CELSR1: variants seen among roughly 807,000 people sequenced by gnomAD.
CELSR1 encodes the protein adhesion G protein-coupled receptor C1.
In CELSR1, 110 loss-of-function variants were observed where a neutral mutation model predicts 249.1. The ratio of observed to expected loss-of-function variants is 0.44; its 90% confidence interval spans 0.38 to 0.52. The LOEUF is 0.52. CELSR1 is among the 20% of genes least tolerant of loss of function. The pLI is 0.00. For synonymous variants in CELSR1, 2,113 were observed against 1,900.0 expected (o/e 1.11, Z -2.92); for missense variants, 4,109 against 4,296.4 (o/e 0.96, Z 1.22).
chr22:46,499,119 G>A (rs1186862460), intron 1 of CELSR1, among the ~76,000 whole-genome samples: 1 of 150,602 alleles, frequency 6.6e-6, no homozygotes, highest in Non-Finnish European at 1.5e-5. Flanking sequence ...GATGGCGGTT[G>A]CAGTGAGCCG....
rs765064666 is a variant in CELSR1, at chr22:46,534,309, G to A, written c.2862C>T (p.Arg954=). 21 of 1,613,022 alleles carry A rather than the reference G, an allele frequency of 1.3e-5. No individual in the cohort carries two copies. The South Asian group carries it at 2.3e-4, about 18-fold the overall frequency. ...CGGCCACATTCTCCCGGTCCAGCCGGCGCTGGGTGCGAATCACACCGGACG... is the reference window on the plus strand; with the variant it reads ...CGGCCACATTCTCCCGGTCCAGCCGACGCTGGGTGCGAATCACACCGGACG... The part of the protein sequence containing the change: ...EPTSGVIRTQ[R]RLDRENVAVY... Residue 954 remains arginine (R), a synonymous_variant, in exon 1 of 35, where the codon CGC becomes CGT. Coordinates refer to ENST00000674500, the MANE Select transcript of CELSR1 (RefSeq NM_001378328.1). The surrounding 1 kb of genome is among the most constrained non-coding windows in gnomAD (Gnocchi z 9.7).
chr22:46,403,971 CAAAAAAAAAAA>C (rs756055741), intron 9 of CELSR1, among the ~76,000 whole-genome samples: 1 of 48,426 alleles, frequency 2.1e-5, no homozygotes, highest in African/African-American at 6.5e-5. Flanking sequence ...AACTCCGTCT[CAAAAAAAAAAA>C]AAAAAAAAGA....
intron 1 of CELSR1, among the ~76,000 whole-genome samples, chr22:46,502,057 G>C (rs922245128): frequency 7.9e-5 from 12 of 151,862 alleles, no homozygotes; most frequent in Admixed American, 3.3e-4. Flanking sequence ...TTGAGCCCAG[G>C]ATTTTGAGAC....
rs541519911 is a variant in CELSR1, at chr22:46,470,853, A to G, written c.3545-6508T>C. Reference sequence around the variant, plus strand: ...AGGTTACAAGAAACAGGCCAGGAGCAGTGGCTCACACCTGTAATCCCAGCA... The same window carrying G: ...AGGTTACAAGAAACAGGCCAGGAGCGGTGGCTCACACCTGTAATCCCAGCA... On this transcript the variant is annotated intron_variant, in intron 1 of 34. Transcript: ENST00000674500. Among the ~76,000 whole-genome samples, 12 of 152,302 alleles carry G rather than the reference A, an allele frequency of 7.9e-5. 1 individual carries two copies. The South Asian group carries it at 2.5e-3, about 32-fold the overall frequency.
intron 14 of CELSR1, among the ~76,000 whole-genome samples, chr22:46,392,411 CTG>C (rs140661654): frequency 0.044 from 6,679 of 152,310 alleles, 195 homozygotes; most frequent in Non-Finnish European, 0.068. Context: ...ACGTTCAGAC[CTG>C]TGTGTCAGGT....
At position 46,378,619 on chromosome 22, in the gene CELSR1, G is replaced by A. The variant is rs770141005; in HGVS notation, c.7355C>T (p.Ala2452Val). The A allele has an allele frequency of 1.6e-5, 25 of 1,592,736 alleles. No individual in the cohort carries two copies. The highest frequency in any genetic ancestry group is 1.4e-4 in the East Asian group (6 of 44,066). ...ACQCSHTASF[A>V]VLMDISRREN... ...ACGCCTGGAGATATCCATGAGCACC[G>A]CAAAGCTGGCTGTGTGGCTGCACTG... The change falls in exon 23 of 35, where the codon GCG (alanine) becomes GTG (valine). Residue 2452 changes from alanine to valine, a missense_variant. Physicochemically the swap from Ala to Val is moderately conservative, Grantham distance 64. Around this residue, in one of 7 missense-constraint regions of CELSR1, gnomAD observed 1,805 missense variants for 1,831.6 expected, o/e 0.99. Coordinates refer to ENST00000674500, the MANE Select transcript of CELSR1 (RefSeq NM_001378328.1).
chr22:46,476,313 A>T (rs950950592), intron 1 of CELSR1, among the ~76,000 whole-genome samples: 17 of 152,120 alleles, frequency 1.1e-4, no homozygotes, highest in African/African-American at 3.6e-4. Flanking sequence ...AAGAGGAAGT[A>T]GGCTGGGCGC....
Position 46,433,917 on chromosome 22 carries a change from T to C in CELSR1, c.4523-436A>G, listed in dbSNP as rs1481952220. Among the ~76,000 whole-genome samples, 1 of 152,056 alleles carries C rather than the reference T, an allele frequency of 6.6e-6. No homozygotes were observed. Among genetic ancestry groups the C allele is most frequent in the African/African-American group, 2.4e-5 (1 of 41,378 alleles). On this transcript the variant is annotated intron_variant, in intron 4 of 34. Coordinates refer to ENST00000674500, the MANE Select transcript of CELSR1 (RefSeq NM_001378328.1). The surrounding 1 kb of genome is among the most constrained non-coding windows in gnomAD (Gnocchi z 5.7). ...CTAGTCTAGTCTCGAACTCCTGACC[T>C]CGTGATCTGCCTGCCTTGGCCTCCC...
chr22:46,364,672 A>G lies in CELSR1; in HGVS notation c.8619T>C (p.Ser2873=). 1.2e-6 allele frequency: 2 copies of G among 1,612,482 alleles called. No homozygotes were observed. Among genetic ancestry groups the G allele is most frequent in the Non-Finnish European group, 8.5e-7 (1 of 1,179,858 alleles). The part of the protein sequence containing the change: ...WPDQSLAESD[S]EDPSGKPRLK... ...GGCGGGGCTTGCCGCTGGGGTCCTC[A>G]CTGTCACTCTCAGCCAGGCTCTGGT... The change falls in exon 33 of 35, where the codon AGT becomes AGC. Residue 2873 remains serine (S), a synonymous_variant. Transcript: ENST00000674500.
intron 1 of CELSR1, among the ~76,000 whole-genome samples, chr22:46,465,748 C>G (rs527476767): frequency 2.6e-5 from 4 of 152,360 alleles, no homozygotes; most frequent in Admixed American, 2.6e-4. Flanking sequence ...GCCACAGATG[C>G]GTGCAGGTGC....
rs147152240 is a variant in CELSR1 at position 46,400,058 on chromosome 22, G to A, written c.5227-156C>T. ...AAATTAGGCAAAGTTGGCCAGGTGC[G>A]GTGGCTCAGGCCTGTAATCTCAGCA... On this transcript the variant is annotated intron_variant, in intron 9 of 34. Transcript: ENST00000674500. The A allele has an allele frequency of 8.1e-4, 587 of 727,886 alleles. 6 individuals are homozygous for A. The East Asian group carries it at 0.013, about 17-fold the overall frequency. 45.1% of individuals were successfully genotyped at this position (727,886 alleles called of 1,614,324 possible).
Position 46,427,132 on chromosome 22 carries a change from C to T in CELSR1, c.4611+6261G>A, listed in dbSNP as rs898152655. On this transcript the variant is annotated intron_variant, in intron 5 of 34. Transcript: ENST00000674500. The surrounding 1 kb of genome is among the most constrained non-coding windows in gnomAD (Gnocchi z 4.2). ...GTACACACACACACACCTACACAGA[C>T]GTCTATGTCCTAGCTCTGCCCAGTA... is the stretch of plus-strand genomic sequence containing the variant. Among the ~76,000 whole-genome samples the T allele has an allele frequency of 2.0e-4, 31 of 152,176 alleles. No individual in the cohort carries two copies. The highest frequency in any genetic ancestry group is 5.9e-4 in the Admixed American group (9 of 15,288).
chr22:46,495,090 C>A (rs772939586), intron 1 of CELSR1, among the ~76,000 whole-genome samples: 35 of 152,208 alleles, frequency 2.3e-4, no homozygotes, highest in Admixed American at 3.9e-4. Context: ...CTACTACACA[C>A]CTAGACTATG....
rs937541816 is a variant in CELSR1, at chr22:46,377,361, G to C, written c.7384-100C>G. On this transcript the variant is annotated intron_variant, in intron 23 of 34. Transcript: ENST00000674500. ...TAAATTACACACTTGCTTATGAAACGATCAAGGCTGGCAGGATCAGGCTGG... is the reference window on the plus strand; with the variant it reads ...TAAATTACACACTTGCTTATGAAACCATCAAGGCTGGCAGGATCAGGCTGG... The C allele has an allele frequency of 1.2e-5, 16 of 1,301,306 alleles. No individual in the cohort carries two copies. The African/African-American group carries it at 1.6e-4, about 13-fold the overall frequency. The allele number at this position is 1,301,306 out of a possible 1,614,324, so 80.6% of individuals were successfully genotyped here.
chr22:46,387,576 C>G (rs2079045917), intron 18 of CELSR1, among the ~76,000 whole-genome samples: 1 of 151,922 alleles, frequency 6.6e-6, no homozygotes, highest in Non-Finnish European at 1.5e-5. Flanking sequence ...CCAGGCTGGT[C>G]TCGAACTCCT....
At chr22:46,439,460 G>C (rs1377884758) in intron 2 of CELSR1, 49 bp from the exon 3 acceptor site, 30 of 1,522,490 alleles carry the variant, frequency 2.0e-5, no homozygotes, top group Non-Finnish European at 2.7e-5. Context: ...GACCAGCCAG[G>C]GAAAAGCCAA....
intron 1 of CELSR1, among the ~76,000 whole-genome samples, chr22:46,514,040 G>C (rs952850953): frequency 2.0e-5 from 3 of 151,982 alleles, no homozygotes; most frequent in African/African-American, 7.3e-5. Context: ...TGATCCACCC[G>C]CCTCACCCTC....
chr22:46,369,528 G>A (rs1416814338), intron 26 of CELSR1, among the ~76,000 whole-genome samples, 164 bp downstream of exon 26: 1 of 152,228 alleles, frequency 6.6e-6, no homozygotes, highest in Non-Finnish European at 1.5e-5. Flanking sequence ...ATCAGAGGGT[G>A]AGGTCCGGGA....
At chr22:46,435,482 A>T (rs1451767878) in intron 4 of CELSR1, among the ~76,000 whole-genome samples, 1 of 151,184 alleles carries the variant, frequency 6.6e-6, no homozygotes, top group Admixed American at 6.6e-5. Flanking sequence ...GGGTTTCACC[A>T]TGTTAGCCAG....
Sources: allele counts gnomAD v4.1 joint callset (sites outside exome capture counted in the v4.1 genomes callset), GRCh38; gene constraint gnomAD v4.1.1; regional missense constraint gnomAD v4.1.1; non-coding constraint Gnocchi (gnomAD v3.1); transcripts MANE v1.5; gene names NCBI Gene and HGNC (gene_info 2026-07-23, HGNC 2026-07-21).